Variants in PRTFDC1 observed in about 807,000 individuals in gnomAD.
PRTFDC1 encodes the protein phosphoribosyl transferase domain containing 1.
Under a neutral mutation model 34.6 loss-of-function variants are expected in PRTFDC1, and 38 were observed. The ratio of observed to expected loss-of-function variants is 1.10; its 90% CI spans 0.85 to 1.44. PRTFDC1 has a LOEUF of 1.44. Ranked by LOEUF, PRTFDC1 falls within the 40% of genes most tolerant of loss-of-function variation. PRTFDC1 has a pLI of 0.00. For missense variants in PRTFDC1, 270 were observed against 283.0 expected (o/e 0.95, Z 0.33); for synonymous variants, 93 against 98.1 (o/e 0.95, Z 0.31).
intron 3 of PRTFDC1, among the ~76,000 whole-genome samples, chr10:24,929,848 C>A (rs1260168903): frequency 6.6e-6 from 1 of 152,160 alleles, no homozygotes; most frequent in Non-Finnish European, 1.5e-5. Context: ...TTTTTCCACT[C>A]AAAGTCCCTT....
intron 3 of PRTFDC1, among the ~76,000 whole-genome samples, chr10:24,876,075 T>A (rs535837288): frequency 6.6e-6 from 1 of 152,092 alleles, no homozygotes; most frequent in African/African-American, 2.4e-5. Flanking sequence ...CTACTTTTTG[T>A]TCTTTTTAAA....
In PRTFDC1 at chr10:24,952,355, G is replaced by A. The variant is rs1424448330; in HGVS notation, c.48+173C>T. On this transcript the variant is annotated intron_variant, in intron 1 of 8. Transcript: ENST00000320152. The surrounding 1 kb of genome is among the most constrained non-coding windows in gnomAD (Gnocchi z 5.1). Reference sequence around the variant, plus strand: ...ACGGGACTCAGAGTTTCGTCAGATTGGGGGCGGGGAGAGGAGGCCCGGGTC... The same window carrying A: ...ACGGGACTCAGAGTTTCGTCAGATTAGGGGCGGGGAGAGGAGGCCCGGGTC... Among the ~76,000 whole-genome samples, 1 of 152,098 alleles carries A rather than the reference G, an allele frequency of 6.6e-6. No individual in the cohort carries two copies. Among genetic ancestry groups the A allele is most frequent in the Non-Finnish European group, 1.5e-5 (1 of 68,018 alleles).
chr10:24,867,349 C>T (rs907534778), intron 4 of PRTFDC1, among the ~76,000 whole-genome samples: 12 of 152,190 alleles, frequency 7.9e-5, no homozygotes, highest in African/African-American at 2.7e-4. Flanking sequence ...CTCCTGCAGG[C>T]TCCGCCTACC....
At chr10:24,850,366 C>G (rs1237159892) in intron 8 of PRTFDC1, among the ~76,000 whole-genome samples, 3 of 152,112 alleles carry the variant, frequency 2.0e-5, no homozygotes, top group African/African-American at 7.2e-5. Flanking sequence ...GCTCAGTGGC[C>G]CCTGTCTGTA....
intron 3 of PRTFDC1, among the ~76,000 whole-genome samples, chr10:24,911,137 A>G (rs1034035023): frequency 6.6e-5 from 10 of 152,242 alleles, no homozygotes; most frequent in Non-Finnish European, 1.5e-4. Context: ...ATATAATTCA[A>G]TGAGTTATGA....
At chr10:24,904,480 C>T (rs370651402) in intron 3 of PRTFDC1, among the ~76,000 whole-genome samples, 3 of 152,254 alleles carry the variant, frequency 2.0e-5, no homozygotes, top group African/African-American at 4.8e-5. Context: ...TGCAAGTCTT[C>T]GAGTAGGTGT....
Position 24,942,359 on chromosome 10 carries a change from G to T in PRTFDC1, c.126C>A (p.Val42=), listed in dbSNP as rs764326071. Reference sequence around the variant, plus strand: ...CCACAATGATACCATGAGGGATGAGGACATACTCCAAGTCTCCATAATAGT... The same window carrying T: ...CCACAATGATACCATGAGGGATGAGTACATACTCCAAGTCTCCATAATAGT... The part of the protein sequence containing the change: ...PQHYYGDLEY[V]LIPHGIIVDR... Residue 42 remains valine, a synonymous_variant, in exon 2 of 9, where the codon GTC becomes GTA. Coordinates refer to ENST00000320152, the MANE Select transcript of PRTFDC1 (RefSeq NM_020200.7). 15 of 1,613,034 alleles carry T rather than the reference G, an allele frequency of 9.3e-6. No homozygotes were observed. Among genetic ancestry groups the T allele is most frequent in the Non-Finnish European group, 1.2e-5 (14 of 1,179,178 alleles).
chr10:24,875,175 T>C (rs1026506589), intron 3 of PRTFDC1, among the ~76,000 whole-genome samples: 4 of 152,244 alleles, frequency 2.6e-5, no homozygotes, highest in Non-Finnish European at 5.9e-5. Context: ...TACAATGCGA[T>C]GTTATGATAC....
intron 3 of PRTFDC1, among the ~76,000 whole-genome samples, chr10:24,877,679 G>A (rs1213539676): frequency 6.6e-6 from 1 of 152,066 alleles, no homozygotes; most frequent in Non-Finnish European, 1.5e-5. Context: ...GGAGTGCAGT[G>A]GTACAATTTC....
chr10:24,934,288 A>G (rs1849017061), intron 3 of PRTFDC1, among the ~76,000 whole-genome samples: 1 of 152,154 alleles, frequency 6.6e-6, no homozygotes. Flanking sequence ...TGATACGAAG[A>G]AGAAGAAGAA....
At chr10:24,936,186 C>T (rs757739210) in intron 3 of PRTFDC1, among the ~76,000 whole-genome samples, 12 of 152,116 alleles carry the variant, frequency 7.9e-5, no homozygotes, top group Non-Finnish European at 1.5e-5. Flanking sequence ...AGCTCCTCAC[C>T]CAATAGTAAG....
intron 4 of PRTFDC1, among the ~76,000 whole-genome samples, chr10:24,866,701 G>A (rs1351775511): frequency 6.6e-6 from 1 of 151,764 alleles, no homozygotes; most frequent in Non-Finnish European, 1.5e-5. Context: ...AATCATTGAG[G>A]GCTCACTTTA....
intron 3 of PRTFDC1, among the ~76,000 whole-genome samples, chr10:24,879,388 G>A: frequency 6.6e-6 from 1 of 151,650 alleles, no homozygotes; most frequent in Admixed American, 6.6e-5. Flanking sequence ...TTGTTACCCA[G>A]GCTGCAGTGC....
chr10:24,949,209 C>T (rs1332298028), intron 1 of PRTFDC1, among the ~76,000 whole-genome samples: 1 of 152,146 alleles, frequency 6.6e-6, no homozygotes, highest in East Asian at 1.9e-4. Context: ...CCCACCTCAG[C>T]CTCCCCGGTA....
In PRTFDC1 at chr10:24,937,306, A is replaced by G. The variant is rs1849067784; in HGVS notation, c.217T>C (p.Cys73Arg). Residue 73 changes from cysteine to arginine, a missense_variant, in exon 3 of 9, where the codon TGT becomes CGT. Coordinates refer to ENST00000320152, the MANE Select transcript of PRTFDC1 (RefSeq NM_020200.7). ...DIGYSDIMVL[C>R]VLKGGYKFCA... The stretch of plus-strand genomic sequence containing the variant: ...AATTTGTAACCTCCTTTAAGCACAC[A>G]CAGGACCATGATGTCACTATATCCT... 2.5e-6 allele frequency: 4 copies of G among 1,614,116 alleles called. No individual in the cohort carries two copies. The highest frequency in any genetic ancestry group is 3.4e-6 in the Non-Finnish European group (4 of 1,180,002).
At chr10:24,942,280 G>T in intron 2 of PRTFDC1, 50 bp downstream of exon 2, 1 of 1,435,350 alleles carries the variant, frequency 7.0e-7, no homozygotes, top group Non-Finnish European at 9.8e-7. Flanking sequence ...TCACACAAGT[G>T]TGGGCCGGCC....
At chr10:24,882,025 G>A (rs966655957) in intron 3 of PRTFDC1, among the ~76,000 whole-genome samples, 13 of 151,950 alleles carry the variant, frequency 8.6e-5, no homozygotes, top group African/African-American at 1.7e-4. Flanking sequence ...TGGCCAACAC[G>A]GTAAAACCCT....
chr10:24,928,347 A>G (rs1354237914), intron 3 of PRTFDC1, among the ~76,000 whole-genome samples: 2 of 152,118 alleles, frequency 1.3e-5, no homozygotes, highest in Non-Finnish European at 2.9e-5. Context: ...CTCTTCTACT[A>G]TCTTCAAAGA....
At chr10:24,883,818 C>CT (rs71399940) in intron 3 of PRTFDC1, among the ~76,000 whole-genome samples, 12,295 of 96,546 alleles carry the variant, frequency 0.13, 907 homozygotes, top group South Asian at 0.23. Flanking sequence ...CTTAAGAGAC[C>CT]TTTTTTTTTT....
Sources: allele counts gnomAD v4.1 joint callset (sites outside exome capture counted in the v4.1 genomes callset), GRCh38; gene constraint gnomAD v4.1.1; non-coding constraint Gnocchi (gnomAD v3.1); transcripts MANE v1.5; gene names NCBI Gene and HGNC (gene_info 2026-07-23, HGNC 2026-07-21).